Variants in GALM observed in about 807,000 individuals in gnomAD.
GALM encodes the protein galactose mutarotase, also known as aldose 1-epimerase.
GALM carries 43 observed loss-of-function variants against 37.4 expected under a neutral mutation model. The observed-to-expected ratio is 1.15, with a 90% CI of 0.90 to 1.48. The LOEUF is 1.48. Ranked by LOEUF, GALM falls within the 40% of genes most tolerant of loss-of-function variation. GALM has a pLI of 0.00. For missense variants in GALM, 456 were observed against 419.1 expected (o/e 1.09, Z -0.77); for synonymous variants, 199 against 170.6 (o/e 1.17, Z -1.30).
chr2:38,674,083 G>GAGGTGA (rs1316678167), intron 1 of GALM, among the ~76,000 whole-genome samples: 1 of 152,110 alleles, frequency 6.6e-6, no homozygotes, highest in African/African-American at 2.4e-5. Flanking sequence ...GGGGAGTGGA[G>GAGGTGA]AGGTGAAGGA....
In GALM at chr2:38,734,550, A is replaced by T. The variant is rs1666669891; in HGVS notation, c.*985A>T. The stretch of plus-strand genomic sequence containing the variant: ...GCAAGCACTGGAAACAGGAGCTATT[A>T]GGGTGAGGAGAGAGCCTTGCCTTTC... On this transcript the variant is annotated 3_prime_UTR_variant, in exon 7 of 7. Transcript: ENST00000272252. The T allele has an allele frequency of 6.6e-6, 1 of 152,156 alleles. No homozygotes were observed. Among genetic ancestry groups the T allele is most frequent in the African/African-American group, 2.4e-5 (1 of 41,392 alleles). The allele number at this position is 152,156 out of a possible 1,614,324, so 9.4% of individuals were successfully genotyped here.
chr2:38,728,432 C>G (rs1015727079), intron 4 of GALM, among the ~76,000 whole-genome samples: 16 of 149,162 alleles, frequency 1.1e-4, no homozygotes, highest in African/African-American at 4.0e-4. Flanking sequence ...TGCAGTGGCT[C>G]ACGCCTATAA....
intron 4 of GALM, among the ~76,000 whole-genome samples, chr2:38,722,272 C>T (rs1666399130): frequency 6.6e-6 from 1 of 152,052 alleles, no homozygotes; most frequent in Non-Finnish European, 1.5e-5. Flanking sequence ...TTGTGTGCTC[C>T]TAATAAACCC....
chr2:38,730,317 A>G (rs1357439637), intron 5 of GALM, among the ~76,000 whole-genome samples: 1 of 152,186 alleles, frequency 6.6e-6, no homozygotes, highest in African/African-American at 2.4e-5. Context: ...CCCAGACTGG[A>G]ATGCAGTGGT....
intron 4 of GALM, among the ~76,000 whole-genome samples, chr2:38,728,840 G>T (rs977942672): frequency 3.5e-5 from 5 of 144,864 alleles, no homozygotes; most frequent in African/African-American, 1.3e-4. Flanking sequence ...TTGGTACAAG[G>T]TTCTAGCACC....
intron 4 of GALM, among the ~76,000 whole-genome samples, chr2:38,722,040 A>T (rs963053215): frequency 1.9e-5 from 1 of 53,436 alleles, no homozygotes; most frequent in African/African-American, 6.0e-5. Flanking sequence ...TCCCCCCCCC[A>T]CCCCCCCCCC....
chr2:38,679,356 C>A (rs1365898958), intron 2 of GALM, among the ~76,000 whole-genome samples: 1 of 151,794 alleles, frequency 6.6e-6, no homozygotes, highest in African/African-American at 2.4e-5. Context: ...AACTCCCCAC[C>A]GCCCCCGACA....
At chr2:38,669,707 T>C (rs1236252644) in intron 1 of GALM, among the ~76,000 whole-genome samples, 3 of 152,006 alleles carry the variant, frequency 2.0e-5, no homozygotes, top group Non-Finnish European at 4.4e-5. Context: ...AACCCATCTC[T>C]ACTAAAAATA....
At chr2:38,694,028 T>C (rs748579065) in intron 4 of GALM, among the ~76,000 whole-genome samples, 1 of 151,970 alleles carries the variant, frequency 6.6e-6, no homozygotes, top group Non-Finnish European at 1.5e-5. Context: ...AAACATTTTT[T>C]TGAATTAGCC....
At chr2:38,719,478 A>C (rs1398046727) in intron 4 of GALM, among the ~76,000 whole-genome samples, 2 of 143,942 alleles carry the variant, frequency 1.4e-5, no homozygotes, top group African/African-American at 5.2e-5. Flanking sequence ...CAAAAAAAAA[A>C]AAAATTAGGA....
Position 38,731,833 on chromosome 2 carries a change from G to A in GALM, c.875G>A (p.Gly292Asp). The A allele has an allele frequency of 6.2e-7, 1 of 1,614,094 alleles. No homozygotes were observed. Among genetic ancestry groups the A allele is most frequent in the Non-Finnish European group, 8.5e-7 (1 of 1,179,992 alleles). Residue 292 changes from glycine to aspartate, a missense_variant, in exon 6 of 7, where the codon GGC becomes GAC. Transcript: ENST00000272252. ...AACTTCCTGGATGGCACATTAAAGGGCAAGAATGGAGCTGTCTATCCCAAG... is the reference window on the plus strand; with the variant it reads ...AACTTCCTGGATGGCACATTAAAGGACAAGAATGGAGCTGTCTATCCCAAG... ...TGNFLDGTLK[G>D]KNGAVYPKHS... is the part of the protein sequence containing the mutation.
chr2:38,681,345 A>C lies in GALM; in HGVS notation c.411A>C (p.Glu137Asp). The stretch of plus-strand genomic sequence containing the variant: ...TCTCGCGCATCAGTCCAGATGGTGA[A>C]GAAGGCTACCCCGGAGAGTTAAAAG... ...VQFSRISPDGEEGYPGELKVW... is the reference protein window; with the variant it reads ...VQFSRISPDGDEGYPGELKVW... The change falls in exon 3 of 7, where the codon GAA becomes GAC. Residue 137 changes from glutamate (E) to aspartate (D), a missense_variant. Coordinates refer to ENST00000272252, the MANE Select transcript of GALM (RefSeq NM_138801.3). The C allele has an allele frequency of 6.2e-7, 1 of 1,614,100 alleles. No individual in the cohort carries two copies. Among genetic ancestry groups the C allele is most frequent in the Non-Finnish European group, 8.5e-7 (1 of 1,180,016 alleles).
intron 3 of GALM, among the ~76,000 whole-genome samples, chr2:38,682,897 TAAAA>T (rs70954743): frequency 7.4e-6 from 1 of 135,582 alleles, no homozygotes; most frequent in South Asian, 2.3e-4. Context: ...ACTCCGTCTT[TAAAA>T]AAAAAAAAAA....
At chr2:38,684,997 C>A (rs941160417) in intron 3 of GALM, among the ~76,000 whole-genome samples, 5 of 152,132 alleles carry the variant, frequency 3.3e-5, no homozygotes, top group African/African-American at 1.2e-4. Context: ...TGTCTTCAGG[C>A]TTGTCCCCTC....
At position 38,712,106 on chromosome 2, in the gene GALM, A is replaced by G. The variant is rs986119166; in HGVS notation, c.635-17450A>G. ...GTCCAAGACCATATCTGTTCCTGCT[A>G]TTCATAAATTTCTTCTTTTAGTCAG... On this transcript the variant is annotated intron_variant, in intron 4 of 6. Coordinates refer to ENST00000272252, the MANE Select transcript of GALM (RefSeq NM_138801.3). 6.6e-5 allele frequency among the ~76,000 whole-genome samples: 10 copies of G among 152,172 alleles called. No individual in the cohort carries two copies. In the East Asian group the frequency reaches 1.3e-3, roughly 20 times the overall value.
chr2:38,677,060 C>G (rs1665276736), intron 2 of GALM, among the ~76,000 whole-genome samples: 1 of 152,192 alleles, frequency 6.6e-6, no homozygotes, highest in Non-Finnish European at 1.5e-5. Context: ...AAGCAGATCC[C>G]TAGAAAACAA....
intron 6 of GALM, among the ~76,000 whole-genome samples, 168 bp from the exon 7 acceptor site, chr2:38,733,320 T>C (rs576417999): frequency 1.3e-5 from 2 of 152,202 alleles, no homozygotes; most frequent in Non-Finnish European, 2.9e-5. Flanking sequence ...TGTGCTTTTT[T>C]CACTCTGATT....
intron 1 of GALM, among the ~76,000 whole-genome samples, chr2:38,667,816 G>A (rs1050856722): frequency 1.3e-5 from 2 of 152,056 alleles, no homozygotes; most frequent in Admixed American, 6.6e-5. Context: ...CAGCCTGGGC[G>A]ACAGAGTGAG....
intron 1 of GALM, chr2:38,669,168 A>T (rs1359771742): frequency 6.6e-6 from 1 of 152,224 alleles, no homozygotes; most frequent in Non-Finnish European, 1.5e-5. Context: ...AAAGAAGTAA[A>T]AACTAAAAGG....
Sources: allele counts gnomAD v4.1 joint callset (sites outside exome capture counted in the v4.1 genomes callset), GRCh38; gene constraint gnomAD v4.1.1; transcripts MANE v1.5; gene names NCBI Gene and HGNC (gene_info 2026-07-23, HGNC 2026-07-21).